PRKAR1B: variants seen among roughly 807,000 people sequenced by gnomAD.
PRKAR1B encodes protein kinase cAMP-dependent type I regulatory subunit beta, also known as cAMP-dependent protein kinase type I-beta regulatory subunit.
Under a neutral mutation model 46.5 loss-of-function variants are expected in PRKAR1B, and 22 were observed. The ratio of observed to expected loss-of-function variants is 0.47; its 90% CI spans 0.34 to 0.68. The LOEUF (loss-of-function observed/expected upper bound fraction) is 0.68. PRKAR1B is among the 30% of genes least tolerant of loss of function. The pLI is 0.01. For missense variants in PRKAR1B, 445 were observed against 535.6 expected, an observed-to-expected ratio of 0.83 and a Z score of 1.67; for synonymous variants, 259 against 217.7, an observed-to-expected ratio of 1.19 and a Z score of -1.67.
intron 9 of PRKAR1B, among the ~76,000 whole-genome samples, chr7:577,796 CA>C (rs1344576949): frequency 2.0e-5 from 3 of 152,210 alleles, no homozygotes; most frequent in African/African-American, 7.2e-5. Flanking sequence ...TTGCCCAGGA[CA>C]GGATTCAAGG....
chr7:578,650 G>C (rs2128442125), intron 9 of PRKAR1B: 1 of 165,602 alleles, frequency 6.0e-6, no homozygotes, highest in Non-Finnish European at 1.3e-5. Flanking sequence ...CGCACGCCCT[G>C]TGTGCAGGTT....
At position 662,590 on chromosome 7, in the gene PRKAR1B, C is replaced by A. The variant is rs547905549; in HGVS notation, c.440+14639G>T. On this transcript the variant is annotated intron_variant, in intron 4 of 10. Transcript: ENST00000537384. The stretch of plus-strand genomic sequence containing the variant: ...AGATGCAATTACCTACTCTCCCCCC[C>A]ATAGCACAAGTCCCCACCCCAACAG... 8.1e-5 allele frequency among the ~76,000 whole-genome samples: 12 copies of A among 147,862 alleles called. No homozygotes were observed. In the South Asian group the frequency reaches 8.7e-4, roughly 11 times the overall value.
chr7:579,518 G>C, intron 8 of PRKAR1B, 141 bp from the exon 9 acceptor site: 1 of 1,137,322 alleles, frequency 8.8e-7, no homozygotes, highest in Non-Finnish European at 1.2e-6. Context: ...AGCTGCATAA[G>C]ATGAGGCCGT....
At chr7:632,878 C>G (rs372174109) in intron 4 of PRKAR1B, among the ~76,000 whole-genome samples, 3 of 152,092 alleles carry the variant, frequency 2.0e-5, no homozygotes, top group Non-Finnish European at 4.4e-5. Context: ...CCCCGACGGC[C>G]GGCACCCGTC....
intron 9 of PRKAR1B, among the ~76,000 whole-genome samples, chr7:556,289 C>A (rs998257716): frequency 6.6e-6 from 1 of 152,054 alleles, no homozygotes. Context: ...GAAACCGACC[C>A]CTCAGAGGCA....
chr7:670,860 G>A (rs1484311098), intron 4 of PRKAR1B, among the ~76,000 whole-genome samples: 2 of 151,774 alleles, frequency 1.3e-5, no homozygotes, highest in Non-Finnish European at 2.9e-5. Flanking sequence ...GACAGCCTCC[G>A]AGCTCCCCCA....
intron 2 of PRKAR1B, among the ~76,000 whole-genome samples, chr7:683,763 C>T (rs1275475708): frequency 1.3e-5 from 2 of 152,288 alleles, no homozygotes; most frequent in East Asian, 1.9e-4. Flanking sequence ...GTGCCAGGCA[C>T]GGCACCCACT....
intron 4 of PRKAR1B, among the ~76,000 whole-genome samples, chr7:640,405 C>T (rs536531834): frequency 2.2e-4 from 33 of 152,044 alleles, no homozygotes; most frequent in African/African-American, 6.8e-4. Flanking sequence ...AGAAGTTAAA[C>T]GACTGGCTAA....
chr7:662,310 T>C (rs1274536697), intron 4 of PRKAR1B, among the ~76,000 whole-genome samples: 6 of 18,460 alleles, frequency 3.3e-4, no homozygotes, highest in South Asian at 2.4e-3. Context: ...CACAGGTCCC[T>C]ACTCCAACAG....
intron 2 of PRKAR1B, among the ~76,000 whole-genome samples, chr7:699,941 G>T (rs1477300554): frequency 6.6e-6 from 1 of 152,190 alleles, no homozygotes; most frequent in Admixed American, 6.5e-5. Flanking sequence ...GAAGCAGAGA[G>T]GCTGCTGCAG....
intron 4 of PRKAR1B, among the ~76,000 whole-genome samples, chr7:620,261 C>T (rs565162763): frequency 7.9e-5 from 12 of 152,176 alleles, no homozygotes; most frequent in East Asian, 1.9e-4. Flanking sequence ...GACATCATCA[C>T]GTTGAGTCAT....
At chr7:711,207 GCAGA>G in intron 2 of PRKAR1B, 118 bp downstream of exon 2, 1 of 1,350,152 alleles carries the variant, frequency 7.4e-7, no homozygotes, top group Admixed American at 2.1e-5. Context: ...CTGCAGGACG[GCAGA>G]CAGTCTCTGG....
rs112624900 is a variant in PRKAR1B, at chr7:693,661, C to T, written c.178-12935G>A. On this transcript the variant is annotated intron_variant, in intron 2 of 10. Coordinates refer to ENST00000537384, the MANE Select transcript of PRKAR1B (RefSeq NM_001164760.2). Reference sequence around the variant, plus strand: ...TTGTCCTCTCGAGCTGACGGACGTGCGAGGTTTTCACATCGTGGCTCCTGT... The same window carrying T: ...TTGTCCTCTCGAGCTGACGGACGTGTGAGGTTTTCACATCGTGGCTCCTGT... 2.1e-3 allele frequency among the ~76,000 whole-genome samples: 315 copies of T among 152,168 alleles called. 1 individual carries two copies. Among genetic ancestry groups the T allele is most frequent in the African/African-American group, 7.3e-3 (302 of 41,476 alleles).
chr7:652,108 C>G, intron 4 of PRKAR1B, among the ~76,000 whole-genome samples: 1 of 136,906 alleles, frequency 7.3e-6, no homozygotes, highest in Admixed American at 7.0e-5. Context: ...CGCTAGGAAC[C>G]TGGGGAAACC....
chr7:716,033 ATTT>A (rs373770395), intron 1 of PRKAR1B, among the ~76,000 whole-genome samples: 3 of 144,840 alleles, frequency 2.1e-5, no homozygotes, highest in Non-Finnish European at 4.6e-5. Flanking sequence ...TTCTTTATAT[ATTT>A]TTTTTTTTAA....
intron 2 of PRKAR1B, among the ~76,000 whole-genome samples, chr7:703,169 G>C (rs535461839): frequency 1.5e-4 from 23 of 152,238 alleles, no homozygotes; most frequent in South Asian, 4.1e-4. Flanking sequence ...GAGAAACATC[G>C]AATAATGATA....
intron 1 of PRKAR1B, among the ~76,000 whole-genome samples, chr7:721,979 A>T (rs943620313): frequency 6.6e-6 from 1 of 150,380 alleles, no homozygotes; most frequent in African/African-American, 2.5e-5. Context: ...AGTTTCCAGG[A>T]GTTTAATTGT....
intron 4 of PRKAR1B, among the ~76,000 whole-genome samples, chr7:620,144 G>A (rs968888733): frequency 7.9e-5 from 12 of 151,294 alleles, no homozygotes; most frequent in Admixed American, 4.6e-4. Flanking sequence ...ATAAGCCACC[G>A]CACCCAGCTC....
At chr7:671,065 A>T (rs1310371722) in intron 4 of PRKAR1B, among the ~76,000 whole-genome samples, 2 of 152,112 alleles carry the variant, frequency 1.3e-5, no homozygotes, top group Non-Finnish European at 2.9e-5. Flanking sequence ...CTGTCTGACA[A>T]ATGGGTCAAG....
Sources: gnomAD v4.1 joint callset for allele counts (sites outside exome capture counted in the v4.1 genomes callset) on GRCh38, gnomAD v4.1.1 for gene constraint, MANE v1.5 for transcripts, NCBI Gene and HGNC (gene_info 2026-07-23, HGNC 2026-07-21) for gene names.